The following BABAM2 variants were observed in gnomAD, a reference collection of about 807,000 sequenced individuals.
BABAM2 encodes BRISC and BRCA1-A complex member 2.
A neutral mutation model predicts 54.7 loss-of-function variants in BABAM2; 31 were observed. The ratio of observed to expected loss-of-function variants is 0.57; its 90% CI spans 0.43 to 0.77. BABAM2 has a LOEUF of 0.77. Ranked by LOEUF, BABAM2 falls within the 30% of genes least tolerant of loss-of-function variation. The pLI is 0.00. For missense variants in BABAM2, 364 were observed against 455.8 expected, an observed-to-expected ratio of 0.80 and a Z score of 1.83; for synonymous variants, 167 against 162.9, an observed-to-expected ratio of 1.03 and a Z score of -0.19.
At chr2:28,203,696 T>G (rs1678521301) in intron 7 of BABAM2, among the ~76,000 whole-genome samples, 1 of 152,224 alleles carries the variant, frequency 6.6e-6, no homozygotes, top group Non-Finnish European at 1.5e-5. Flanking sequence ...CTCATTCTGT[T>G]TCTTATATTC....
chr2:28,268,296 TA>T (rs1044592931), intron 10 of BABAM2, among the ~76,000 whole-genome samples: 2 of 152,172 alleles, frequency 1.3e-5, no homozygotes, highest in South Asian at 2.1e-4. Flanking sequence ...ACTCAGTCTC[TA>T]AAAAACAACA....
At chr2:28,152,015 G>T (rs55634306) in intron 7 of BABAM2, among the ~76,000 whole-genome samples, 19,153 of 151,862 alleles carry the variant, frequency 0.13, 1,659 homozygotes, top group African/African-American at 0.25. Flanking sequence ...TCTGCAGGGG[G>T]CTGTTTTTAT....
chr2:28,198,609 C>T (rs1677896570), intron 7 of BABAM2, among the ~76,000 whole-genome samples: 1 of 152,198 alleles, frequency 6.6e-6, no homozygotes, highest in Non-Finnish European at 1.5e-5. Context: ...TAGTACCTGT[C>T]CTTCCTTCTC....
intron 7 of BABAM2, among the ~76,000 whole-genome samples, chr2:28,142,079 C>T (rs1671114909): frequency 6.6e-6 from 1 of 152,072 alleles, no homozygotes; most frequent in South Asian, 2.1e-4. Flanking sequence ...GAGGAACGGT[C>T]TAACATCAAT....
intron 6 of BABAM2, among the ~76,000 whole-genome samples, chr2:28,110,814 A>C (rs1269180857): frequency 1.3e-5 from 2 of 151,996 alleles, no homozygotes; most frequent in Admixed American, 6.6e-5. Flanking sequence ...CCCATTTTAC[A>C]CTACCCCCAA....
chr2:28,053,884 CTT>C (rs1332514019), intron 6 of BABAM2, among the ~76,000 whole-genome samples: 1 of 152,096 alleles, frequency 6.6e-6, no homozygotes, highest in Non-Finnish European at 1.5e-5. Context: ...TCCAATAAAA[CTT>C]TATTTTCATG....
intron 7 of BABAM2, among the ~76,000 whole-genome samples, chr2:28,229,161 C>T (rs1681148513): frequency 6.6e-6 from 1 of 152,118 alleles, no homozygotes; most frequent in Admixed American, 6.5e-5. Flanking sequence ...CATGTGGAAC[C>T]AGATGTCAAG....
chr2:27,959,778 AT>A (rs1440424723), intron 3 of BABAM2, among the ~76,000 whole-genome samples: 1 of 151,770 alleles, frequency 6.6e-6, no homozygotes, highest in Non-Finnish European at 1.5e-5. Context: ...ATCAGAAAAA[AT>A]TGCCATTTTG....
chr2:28,284,801 A>G (rs781743832), intron 10 of BABAM2, among the ~76,000 whole-genome samples: 2 of 152,226 alleles, frequency 1.3e-5, no homozygotes, highest in African/African-American at 2.4e-5. Context: ...AGGCTAGGAA[A>G]AGAAATTATA....
chr2:28,010,178 A>G (rs1393440014), intron 4 of BABAM2, among the ~76,000 whole-genome samples: 2 of 152,068 alleles, frequency 1.3e-5, no homozygotes, highest in South Asian at 2.1e-4. Flanking sequence ...GTTTCACTTG[A>G]TTACCCACTG....
chr2:28,318,349 T>C (rs1689744151), intron 11 of BABAM2, among the ~76,000 whole-genome samples: 1 of 152,258 alleles, frequency 6.6e-6, no homozygotes, highest in South Asian at 2.1e-4. Flanking sequence ...TACCCTTTGA[T>C]TTACATATCA....
At chr2:28,180,047 C>A (rs1038632828) in intron 7 of BABAM2, among the ~76,000 whole-genome samples, 1 of 152,098 alleles carries the variant, frequency 6.6e-6, no homozygotes, top group Admixed American at 6.5e-5. Context: ...CTACTCAAAG[C>A]AATCTACAGA....
At chr2:27,978,785 C>T (rs539571532) in intron 3 of BABAM2, among the ~76,000 whole-genome samples, 13 of 152,210 alleles carry the variant, frequency 8.5e-5, no homozygotes, top group African/African-American at 2.2e-4. Flanking sequence ...GACCATCACC[C>T]TCCTCTCACC....
intron 7 of BABAM2, among the ~76,000 whole-genome samples, chr2:28,231,330 C>A (rs973179390): frequency 1.3e-5 from 2 of 152,142 alleles, no homozygotes; most frequent in African/African-American, 4.8e-5. Context: ...AGGTCCCTGG[C>A]ATTCCTCTAC....
At chr2:27,998,024 G>A (rs1458001433) in intron 4 of BABAM2, among the ~76,000 whole-genome samples, 8 of 152,032 alleles carry the variant, frequency 5.3e-5, no homozygotes, top group Non-Finnish European at 1.0e-4. Context: ...ATGGTGGCGC[G>A]CACCTGTAAT....
At chr2:27,966,513 C>T (rs1416934595) in intron 3 of BABAM2, among the ~76,000 whole-genome samples, 3 of 152,204 alleles carry the variant, frequency 2.0e-5, no homozygotes, top group Non-Finnish European at 4.4e-5. Context: ...GATGGCTCTT[C>T]AGGTCTTGTT....
At chr2:28,046,907 T>C (rs1051421458) in intron 6 of BABAM2, among the ~76,000 whole-genome samples, 7 of 151,920 alleles carry the variant, frequency 4.6e-5, no homozygotes, top group Non-Finnish European at 8.8e-5. Context: ...TAACTGGGAC[T>C]ACAGGCGTGC....
intron 7 of BABAM2, among the ~76,000 whole-genome samples, chr2:28,194,924 G>A (rs1677355455): frequency 6.6e-6 from 1 of 152,058 alleles, no homozygotes; most frequent in Non-Finnish European, 1.5e-5. Context: ...TTGAATTCCT[G>A]GCATCACGTG....
chr2:28,197,425 T>C (rs1398621601), intron 7 of BABAM2, among the ~76,000 whole-genome samples: 1 of 152,232 alleles, frequency 6.6e-6, no homozygotes, highest in Non-Finnish European at 1.5e-5. Context: ...GCTTTGCAAG[T>C]GCTCAACGAT....
Sources: allele counts gnomAD v4.1 joint callset (sites outside exome capture counted in the v4.1 genomes callset), GRCh38; gene constraint gnomAD v4.1.1; transcripts MANE v1.5; gene names NCBI Gene and HGNC (gene_info 2026-07-23, HGNC 2026-07-21).